Variants in GLIS3 observed in about 807,000 individuals in gnomAD.
GLIS3 encodes GLIS family zinc finger 3, also known as zinc finger protein GLIS3.
In GLIS3, 53 loss-of-function variants were observed where a neutral mutation model predicts 78.6. That is an observed-to-expected ratio of 0.67 (90% CI 0.54 to 0.85). GLIS3 has a LOEUF of 0.85. Among genes scored for constraint, GLIS3 ranks in the 40% least tolerant of loss-of-function variants. GLIS3 has a pLI of 0.00. For synonymous variants in GLIS3, 684 were observed against 509.9 expected (o/e 1.34, Z -4.60); for missense variants, 1,703 against 1,231.1 (o/e 1.38, Z -5.74).
rs573128246 is a variant in GLIS3, at chr9:4,293,798, G to A, written c.-99+5623C>T. On this transcript the variant is annotated intron_variant, in intron 1 of 10. Transcript: ENST00000381971. Reference sequence around the variant, plus strand: ...CTGATCTTGCATTGTGACGCTATCTGCCCATCTGCAGTTGAGCAAGTCTTG... The same window carrying A: ...CTGATCTTGCATTGTGACGCTATCTACCCATCTGCAGTTGAGCAAGTCTTG... Among the ~76,000 whole-genome samples, 16 of 152,322 alleles carry A rather than the reference G, an allele frequency of 1.1e-4. 1 individual carries two copies. Among genetic ancestry groups the A allele is most frequent in the Admixed American group, 1.0e-3 (16 of 15,308 alleles).
the GLIS3 span, among the ~76,000 whole-genome samples, chr9:4,393,691 A>G: frequency 6.6e-6 from 1 of 152,210 alleles, no homozygotes; most frequent in East Asian, 1.9e-4. Context: ...CCTTGTGATT[A>G]GATTCAGGTT....
chr9:3,913,315 T>C (rs192284364), intron 6 of GLIS3, among the ~76,000 whole-genome samples: 4 of 152,304 alleles, frequency 2.6e-5, no homozygotes, highest in Non-Finnish European at 5.9e-5. Flanking sequence ...AGCACTTGCT[T>C]TTTGCTCTCC....
the GLIS3 span, among the ~76,000 whole-genome samples, chr9:4,389,914 C>A: frequency 6.6e-6 from 1 of 152,230 alleles, no homozygotes; most frequent in East Asian, 1.9e-4. Context: ...ACGTAAGAAG[C>A]AACACAGTGT....
chr9:4,247,358 G>A (rs1823896534), intron 2 of GLIS3, among the ~76,000 whole-genome samples: 1 of 152,000 alleles, frequency 6.6e-6, no homozygotes, highest in Non-Finnish European at 1.5e-5. Context: ...AAGAAGTACA[G>A]AAATAAAAAA....
chr9:3,946,965 G>A (rs1456563806), intron 4 of GLIS3, among the ~76,000 whole-genome samples: 1 of 151,800 alleles, frequency 6.6e-6, no homozygotes, highest in African/African-American at 2.4e-5. Context: ...AGGTCAAGCA[G>A]TTTCCCACGA....
At chr9:4,313,736 T>C (rs1330469601) in intron 2 of GLIS3, among the ~76,000 whole-genome samples, 2 of 152,142 alleles carry the variant, frequency 1.3e-5, no homozygotes, top group Non-Finnish European at 2.9e-5. Context: ...CACCTTAAGA[T>C]CAAGTTCCAA....
the GLIS3 span, among the ~76,000 whole-genome samples, chr9:4,365,241 A>G: frequency 5.9e-5 from 9 of 152,296 alleles, no homozygotes; most frequent in African/African-American, 2.2e-4. Context: ...ATGGCGTAAG[A>G]TATGAGAAAG....
intron 4 of GLIS3, among the ~76,000 whole-genome samples, chr9:4,059,466 G>C (rs10974308): frequency 6.6e-6 from 1 of 152,028 alleles, no homozygotes. Context: ...TTCTCAGCCT[G>C]TAACAGGCCA....
intron 2 of GLIS3, among the ~76,000 whole-genome samples, chr9:4,161,801 T>C (rs1328450467): frequency 6.7e-6 from 1 of 148,420 alleles, no homozygotes; most frequent in Non-Finnish European, 1.5e-5. Flanking sequence ...CCACTCAGCC[T>C]CTCAAGTAGC....
At chr9:4,312,410 G>T (rs1271767516) in intron 2 of GLIS3, among the ~76,000 whole-genome samples, 1 of 152,210 alleles carries the variant, frequency 6.6e-6, no homozygotes, top group African/African-American at 2.4e-5. Context: ...GGAGGTTGCA[G>T]TAAGCTGAGA....
At chr9:4,379,922 C>T in the GLIS3 span, among the ~76,000 whole-genome samples, 1 of 151,316 alleles carries the variant, frequency 6.6e-6, no homozygotes, top group Non-Finnish European at 1.5e-5. Context: ...AGACATCAAA[C>T]CAAAAAAAAA....
intron 4 of GLIS3, among the ~76,000 whole-genome samples, chr9:3,986,747 C>A (rs1819769691): frequency 6.6e-6 from 1 of 152,170 alleles, no homozygotes. Flanking sequence ...ATAAACTGAG[C>A]CAACCAAAAA....
chr9:3,846,424 ATC>A (rs1278794692), intron 9 of GLIS3, among the ~76,000 whole-genome samples: 1 of 152,208 alleles, frequency 6.6e-6, no homozygotes, highest in East Asian at 1.9e-4. Context: ...AGCACCAGGT[ATC>A]TGATACACAG....
intron 2 of GLIS3, among the ~76,000 whole-genome samples, chr9:4,215,490 T>G (rs1367719611): frequency 6.6e-6 from 1 of 152,194 alleles, no homozygotes; most frequent in African/African-American, 2.4e-5. Flanking sequence ...GAAAAAAATC[T>G]GTTTGGTCTT....
the GLIS3 span, among the ~76,000 whole-genome samples, chr9:4,452,866 G>A: frequency 7.9e-5 from 12 of 152,052 alleles, no homozygotes; most frequent in African/African-American, 2.9e-4. Flanking sequence ...ACAACCCTAA[G>A]CAAAAAGGAC....
At chr9:4,162,195 T>A (rs1450880967) in intron 2 of GLIS3, among the ~76,000 whole-genome samples, 1 of 152,200 alleles carries the variant, frequency 6.6e-6, no homozygotes, top group Non-Finnish European at 1.5e-5. Context: ...CCTGCATTCT[T>A]GTCTCTGTGT....
intron 2 of GLIS3, among the ~76,000 whole-genome samples, chr9:4,240,434 C>A (rs1269116326): frequency 6.6e-6 from 1 of 152,050 alleles, no homozygotes; most frequent in Non-Finnish European, 1.5e-5. Context: ...AGGCTACGGA[C>A]CAGCAGCAGT....
At chr9:3,920,430 A>G (rs1034095672) in intron 6 of GLIS3, among the ~76,000 whole-genome samples, 1 of 152,126 alleles carries the variant, frequency 6.6e-6, no homozygotes, top group Non-Finnish European at 1.5e-5. Context: ...CATGCTTAAT[A>G]TTCTATGGGG....
intron 2 of GLIS3, among the ~76,000 whole-genome samples, chr9:4,207,906 C>G (rs1455759220): frequency 6.6e-6 from 1 of 152,200 alleles, no homozygotes; most frequent in Non-Finnish European, 1.5e-5. Context: ...CTTTCTTTAT[C>G]TGGCTAAAAT....
Sources: gnomAD v4.1 joint callset for allele counts (sites outside exome capture counted in the v4.1 genomes callset) on GRCh38, gnomAD v4.1.1 for gene constraint, MANE v1.5 for transcripts, NCBI Gene and HGNC (gene_info 2026-07-23, HGNC 2026-07-21) for gene names.